SHANK2: variants seen among roughly 807,000 people sequenced by gnomAD.
The protein encoded by SHANK2 is SH3 and multiple ankyrin repeat domains 2.
A neutral mutation model predicts 133.7 loss-of-function variants in SHANK2; 43 were observed. The observed-to-expected ratio is 0.32, with a 90% CI of 0.25 to 0.41. The LOEUF is 0.41. SHANK2 is among the 10% of genes least tolerant of loss of function. The probability of loss-of-function intolerance (pLI) is 1.00; values close to 1 mark genes in which losing one functional copy is unlikely to be tolerated. For missense variants in SHANK2, 1,994 were observed against 2,235.8 expected (o/e 0.89, Z 2.18); for synonymous variants, 1,017 against 952.8 (o/e 1.07, Z -1.24).
At chr11:71,205,422 GCGAGAAC>G (rs1431392316) in intron 2 of SHANK2, among the ~76,000 whole-genome samples, 16 of 152,192 alleles carry the variant, frequency 1.1e-4, no homozygotes, top group African/African-American at 3.9e-4. Flanking sequence ...GGGCGCTCCT[GCGAGAAC>G]CTCCACCCTC....
At chr11:70,718,383 AG>A (rs1398419321) in intron 14 of SHANK2, among the ~76,000 whole-genome samples, 3 of 152,132 alleles carry the variant, frequency 2.0e-5, no homozygotes, top group South Asian at 2.1e-4. Flanking sequence ...GCCTCGGTGG[AG>A]GTGGCCCTGG....
chr11:70,913,885 G>A (rs1235581038), intron 10 of SHANK2, among the ~76,000 whole-genome samples: 3 of 152,138 alleles, frequency 2.0e-5, no homozygotes, highest in Non-Finnish European at 1.5e-5. Context: ...CAACACTCAC[G>A]TTTAACCACA....
chr11:71,219,574 G>A (rs1205560815), intron 2 of SHANK2, among the ~76,000 whole-genome samples: 2 of 151,790 alleles, frequency 1.3e-5, no homozygotes, highest in African/African-American at 4.8e-5. Context: ...CCCTAGAATG[G>A]CTATTTTAAA....
At chr11:71,078,763 T>C (rs1951253648) in intron 8 of SHANK2, among the ~76,000 whole-genome samples, 1 of 152,220 alleles carries the variant, frequency 6.6e-6, no homozygotes, top group Non-Finnish European at 1.5e-5. Context: ...ACCCTTTTCC[T>C]AGCAATTCCT....
intron 11 of SHANK2, among the ~76,000 whole-genome samples, chr11:70,891,144 C>A (rs1465327772): frequency 5.3e-5 from 8 of 152,172 alleles, no homozygotes; most frequent in Non-Finnish European, 8.8e-5. Context: ...CGTATGCGGG[C>A]TCCTCTCTAG....
chr11:70,895,961 C>G (rs782544930), intron 11 of SHANK2, among the ~76,000 whole-genome samples: 9 of 152,066 alleles, frequency 5.9e-5, no homozygotes, highest in African/African-American at 1.4e-4. Context: ...ATCAACACCC[C>G]CCTGGAGTGG....
chr11:70,762,392 G>A (rs1555040424), intron 14 of SHANK2, among the ~76,000 whole-genome samples: 1 of 152,198 alleles, frequency 6.6e-6, no homozygotes, highest in African/African-American at 2.4e-5. Context: ...CAGACCAGCA[G>A]GATGCAGAGG....
At chr11:70,859,909 CG>C (rs1949230361) in intron 11 of SHANK2, among the ~76,000 whole-genome samples, 1 of 152,156 alleles carries the variant, frequency 6.6e-6, no homozygotes, top group African/African-American at 2.4e-5. Context: ...AACCATGACC[CG>C]GGGTCCAGCT....
At chr11:70,891,480 T>A (rs1341615197) in intron 11 of SHANK2, among the ~76,000 whole-genome samples, 2 of 152,102 alleles carry the variant, frequency 1.3e-5, no homozygotes, top group Non-Finnish European at 2.9e-5. Flanking sequence ...CCAGCCTGGG[T>A]GACAGAGCAA....
intron 14 of SHANK2, among the ~76,000 whole-genome samples, chr11:70,722,311 T>C (rs1174744020): frequency 2.0e-5 from 3 of 152,328 alleles, no homozygotes; most frequent in Admixed American, 2.0e-4. Flanking sequence ...GGAATGTCAA[T>C]AGGATGCTCC....
intron 9 of SHANK2, among the ~76,000 whole-genome samples, chr11:71,065,615 CA>C (rs1951042653): frequency 2.5e-4 from 3 of 12,232 alleles, no homozygotes; most frequent in Non-Finnish European, 4.3e-4. Context: ...GGGGACGTTG[CA>C]GGGGGGTGTG....
rs144004521 is a variant in SHANK2 at position 70,947,132 on chromosome 11, A to AAC, written c.1108-50567_1108-50566dup. Among the ~76,000 whole-genome samples, 1,115 of 126,550 alleles carry AAC rather than the reference A, an allele frequency of 8.8e-3. 10 individuals carry two copies. The highest frequency in any genetic ancestry group is 0.015 in the African/African-American group (488 of 32,134). 83.0% of individuals were successfully genotyped at this position (126,550 alleles called of 152,430 possible). A position where few individuals can be genotyped will look rare whatever the true frequency, so the allele number is the denominator to read the frequency against. On this transcript the variant is annotated intron_variant, in intron 10 of 25. Transcript: ENST00000601538. ...GGTGAAATTCTTGAGGCACCTCTCC[A>AAC]ACACACACACACACACACACACACA... is the stretch of plus-strand genomic sequence containing the variant.
chr11:71,130,571 T>C lies in SHANK2; in HGVS notation c.208-11539A>G, dbSNP rs559572883. Among the ~76,000 whole-genome samples, 61 of 152,302 alleles carry C rather than the reference T, an allele frequency of 4.0e-4. 1 individual carries two copies. The South Asian group carries it at 7.7e-3, about 19-fold the overall frequency. On this transcript the variant is annotated intron_variant, in intron 3 of 25. Coordinates refer to ENST00000601538, the MANE Select transcript of SHANK2 (RefSeq NM_012309.5). Reference sequence around the variant, plus strand: ...ATTATACCATATAAAATAGGTCTTATTGCCATGGGTTATCTGAAAGCTGTG... The same window carrying C: ...ATTATACCATATAAAATAGGTCTTACTGCCATGGGTTATCTGAAAGCTGTG...
chr11:70,939,508 A>T (rs1590854692), intron 10 of SHANK2, among the ~76,000 whole-genome samples: 1 of 152,010 alleles, frequency 6.6e-6, no homozygotes, highest in East Asian at 1.9e-4. Flanking sequence ...AACAAATAAT[A>T]ATTTCCAAAA....
chr11:70,920,680 C>T (rs1950337277), intron 10 of SHANK2, among the ~76,000 whole-genome samples: 1 of 152,184 alleles, frequency 6.6e-6, no homozygotes, highest in Non-Finnish European at 1.5e-5. Context: ...CCAGTGACAG[C>T]ACGCCACTGC....
At chr11:70,763,327 C>T (rs539646854) in intron 14 of SHANK2, among the ~76,000 whole-genome samples, 67 of 144,802 alleles carry the variant, frequency 4.6e-4, no homozygotes, top group African/African-American at 1.6e-3. Context: ...CTCCCATCCC[C>T]ATGGGACAGC....
At chr11:71,187,413 G>C (rs547903568) in intron 2 of SHANK2, among the ~76,000 whole-genome samples, 1 of 151,930 alleles carries the variant, frequency 6.6e-6, no homozygotes, top group Non-Finnish European at 1.5e-5. Flanking sequence ...GGTTTCTCAC[G>C]TTTTATTCAG....
rs12286632 is a variant in SHANK2 at position 70,524,395 on chromosome 11, A to G, written c.2062-21464T>C. On this transcript the variant is annotated intron_variant, in intron 17 of 25. Coordinates refer to ENST00000601538, the MANE Select transcript of SHANK2 (RefSeq NM_012309.5). ...TCAACTTAATCTGGTGGTGACACCC[A>G]CTGAGGTTGCTGTTCCCAATGTGCT... 5.3e-3 allele frequency among the ~76,000 whole-genome samples: 814 copies of G among 152,358 alleles called. 8 individuals are homozygous for G. Among genetic ancestry groups the G allele is most frequent in the African/African-American group, 0.018 (749 of 41,588 alleles).
chr11:70,549,059 G>A (rs569381483), intron 17 of SHANK2, among the ~76,000 whole-genome samples: 249 of 152,236 alleles, frequency 1.6e-3, no homozygotes, highest in African/African-American at 5.8e-3. Flanking sequence ...CAGAGACCAC[G>A]CCTCTGTTGT....
Sources: allele counts gnomAD v4.1 joint callset (sites outside exome capture counted in the v4.1 genomes callset), GRCh38; gene constraint gnomAD v4.1.1; transcripts MANE v1.5; gene names NCBI Gene and HGNC (gene_info 2026-07-23, HGNC 2026-07-21).